Variants in UBE2R2 observed in about 807,000 individuals in gnomAD.
UBE2R2 encodes the protein ubiquitin conjugating enzyme E2 R2, also known as ubiquitin-conjugating enzyme E2 R2.
In UBE2R2, 1 loss-of-function variant was observed where a neutral mutation model predicts 27.8. That is an observed-to-expected ratio of 0.04 (90% CI 0.01 to 0.17). The LOEUF (loss-of-function observed/expected upper bound fraction) is 0.17. UBE2R2 is among the 10% of genes least tolerant of loss of function. The pLI, the probability that UBE2R2 is intolerant of heterozygous loss-of-function variation, is 1.00. For synonymous variants in UBE2R2, 106 were observed against 113.3 expected (o/e 0.94, Z 0.41); for missense variants, 100 against 291.0 (o/e 0.34, Z 4.78).
At chr9:33,843,555 T>C (rs1820776767) in intron 1 of UBE2R2, among the ~76,000 whole-genome samples, 1 of 152,140 alleles carries the variant, frequency 6.6e-6, no homozygotes, top group Middle Eastern at 3.4e-3. Flanking sequence ...CTCAGCTCAC[T>C]GCAACCTCTG....
chr9:33,816,685 C>G (rs1473725579), upstream of UBE2R2, among the ~76,000 whole-genome samples: 1 of 152,202 alleles, frequency 6.6e-6, no homozygotes, highest in Non-Finnish European at 1.5e-5. Flanking sequence ...ACATCCTAAT[C>G]AAGTAGCTAC....
At chr9:33,816,797 GC>G (rs1825773988), upstream of UBE2R2, among the ~76,000 whole-genome samples, 1 of 152,230 alleles carries the variant, frequency 6.6e-6, no homozygotes, top group Non-Finnish European at 1.5e-5. Flanking sequence ...AGTGGGGAGG[GC>G]CCCGAGAGCC....
chr9:33,903,573 G>A (rs1368581454), intron 3 of UBE2R2, among the ~76,000 whole-genome samples: 2 of 152,066 alleles, frequency 1.3e-5, no homozygotes, highest in African/African-American at 2.4e-5. Context: ...GCATTTACAC[G>A]CAAATGATGT....
At chr9:33,848,508 T>C (rs1258387011) in intron 1 of UBE2R2, among the ~76,000 whole-genome samples, 1 of 152,148 alleles carries the variant, frequency 6.6e-6, no homozygotes, top group African/African-American at 2.4e-5. Context: ...GGGGCTGGGT[T>C]ACAGTTTTCA....
At chr9:33,885,919 T>C (rs1167668515) in intron 1 of UBE2R2, among the ~76,000 whole-genome samples, 1 of 151,334 alleles carries the variant, frequency 6.6e-6, no homozygotes, top group Non-Finnish European at 1.5e-5. Context: ...ACAGCAAAGG[T>C]GTGAGAAACA....
At chr9:33,902,131 C>T (rs1822258129) in intron 3 of UBE2R2, among the ~76,000 whole-genome samples, 1 of 151,946 alleles carries the variant, frequency 6.6e-6, no homozygotes, top group Non-Finnish European at 1.5e-5. Context: ...GTTTCCCAGG[C>T]CAGTCTCAAA....
At chr9:33,890,160 A>G (rs1441108118) in intron 2 of UBE2R2, among the ~76,000 whole-genome samples, 1 of 152,176 alleles carries the variant, frequency 6.6e-6, no homozygotes, top group African/African-American at 2.4e-5. Flanking sequence ...TAGGCTATTT[A>G]GTTCTTTCAA....
chr9:33,840,901 G>A (rs370898245), intron 1 of UBE2R2, among the ~76,000 whole-genome samples: 4 of 151,956 alleles, frequency 2.6e-5, no homozygotes, highest in African/African-American at 9.7e-5. Context: ...TATTCTCTAA[G>A]AGAACCAGCT....
At chr9:33,843,221 G>T (rs1341411009) in intron 1 of UBE2R2, among the ~76,000 whole-genome samples, 1 of 151,436 alleles carries the variant, frequency 6.6e-6, no homozygotes, top group East Asian at 1.9e-4. Flanking sequence ...GCTAATTTTT[G>T]TATTTTTAGT....
intron 2 of UBE2R2, among the ~76,000 whole-genome samples, chr9:33,887,562 G>A (rs1160548448): frequency 1.3e-5 from 2 of 152,126 alleles, no homozygotes; most frequent in African/African-American, 2.4e-5. Context: ...CTAGAATAAT[G>A]CATTCTGTTT....
intron 1 of UBE2R2, among the ~76,000 whole-genome samples, chr9:33,859,627 C>T (rs1020404397): frequency 2.0e-5 from 3 of 151,996 alleles, no homozygotes; most frequent in Admixed American, 6.6e-5. Flanking sequence ...ATTGTTGTGA[C>T]GTTAGGAGCC....
chr9:33,903,524 A>G (rs1412941325), intron 3 of UBE2R2, among the ~76,000 whole-genome samples: 3 of 152,142 alleles, frequency 2.0e-5, no homozygotes, highest in African/African-American at 7.2e-5. Flanking sequence ...TATTGCCACC[A>G]CCCATGGGAA....
chr9:33,897,116 A>G (rs545358769), intron 2 of UBE2R2, among the ~76,000 whole-genome samples: 1 of 134,514 alleles, frequency 7.4e-6, no homozygotes, highest in Non-Finnish European at 1.5e-5. Flanking sequence ...AGCTCACTGC[A>G]AGCTCCGCCT....
rs1487509610 is a variant in UBE2R2, at chr9:33,920,030, T to A, written c.*2793T>A. On this transcript the variant is annotated 3_prime_UTR_variant, in exon 5 of 5. Coordinates refer to ENST00000263228, the MANE Select transcript of UBE2R2 (RefSeq NM_017811.4). ...CCTTCTTTCCCTTACCCTGGCAAAT[T>A]GCTTCTTTACTTGCTGGTTTCCTTA... 6.6e-6 allele frequency: 1 copy of A among 152,448 alleles called. No homozygotes were observed. The highest frequency in any genetic ancestry group is 1.5e-5 in the Non-Finnish European group (1 of 68,036). 9.4% of individuals were successfully genotyped at this position (152,448 alleles called of 1,614,324 possible). A position where few individuals can be genotyped will look rare whatever the true frequency, so the allele number is the denominator to read the frequency against.
chr9:33,817,265 C>T lies in UBE2R2; in HGVS notation c.-493C>T, dbSNP rs946245852. On this transcript the variant is annotated 5_prime_UTR_variant, in exon 1 of 5. Transcript: ENST00000263228. ...CCCCCGCCGCCACCGCCGCGAGACC[C>T]CCGCACGCCGCTCTCCCCCCACCCT... is the stretch of plus-strand genomic sequence containing the variant. Among the ~76,000 whole-genome samples, 1 of 149,774 alleles carries T rather than the reference C, an allele frequency of 6.7e-6. No homozygotes were observed. The highest frequency in any genetic ancestry group is 2.5e-5 in the African/African-American group (1 of 40,752).
At chr9:33,830,049 G>A (rs944344242) in intron 1 of UBE2R2, among the ~76,000 whole-genome samples, 4 of 151,870 alleles carry the variant, frequency 2.6e-5, no homozygotes, top group African/African-American at 9.7e-5. Context: ...CGCCCTCCTC[G>A]GCCTCCCAAA....
intron 1 of UBE2R2, among the ~76,000 whole-genome samples, chr9:33,831,383 T>C (rs1407122773): frequency 6.6e-6 from 1 of 152,146 alleles, no homozygotes; most frequent in African/African-American, 2.4e-5. Flanking sequence ...AGTTTTGTTA[T>C]TCAAAAGAAT....
intron 1 of UBE2R2, among the ~76,000 whole-genome samples, chr9:33,839,025 T>C (rs1820674944): frequency 6.8e-6 from 1 of 147,306 alleles, no homozygotes; most frequent in Admixed American, 6.9e-5. Context: ...GAGGTTGCAG[T>C]GAGCTGAGAT....
At chr9:33,823,031 A>G (rs1020922222) in intron 1 of UBE2R2, among the ~76,000 whole-genome samples, 21 of 151,278 alleles carry the variant, frequency 1.4e-4, no homozygotes, top group Admixed American at 3.3e-4. Flanking sequence ...CAGCCTCCCA[A>G]GTAGCTGGGA....
Sources: allele counts gnomAD v4.1 joint callset (sites outside exome capture counted in the v4.1 genomes callset), GRCh38; gene constraint gnomAD v4.1.1; transcripts MANE v1.5; gene names NCBI Gene and HGNC (gene_info 2026-07-23, HGNC 2026-07-21).